PIP5K1C: variants seen among roughly 807,000 people sequenced by gnomAD.
The protein encoded by PIP5K1C is phosphatidylinositol 4-phosphate 5-kinase type-1 gamma.
Under a neutral mutation model 80.1 loss-of-function variants are expected in PIP5K1C, and 45 were observed. The observed-to-expected ratio is 0.56, with a 90% confidence interval of 0.44 to 0.72. The LOEUF (loss-of-function observed/expected upper bound fraction) is 0.72, where lower values mean the gene tolerates loss of function less well. PIP5K1C is among the 30% of genes least tolerant of loss of function. The pLI is 0.00. For synonymous variants in PIP5K1C, 498 were observed against 420.1 expected, an observed-to-expected ratio of 1.19 and a Z score of -2.27; for missense variants, 753 against 954.6, an observed-to-expected ratio of 0.79 and a Z score of 2.78.
chr19:3,641,663 C>T (rs1214496347), intron 15 of PIP5K1C, 42 bp downstream of exon 15: 1 of 1,491,988 alleles, frequency 6.7e-7, no homozygotes. Context: ...TCTGGGCCCG[C>T]AGCAGGTGGG....
At chr19:3,669,164 G>T (rs929388560) in intron 1 of PIP5K1C, among the ~76,000 whole-genome samples, 6 of 152,224 alleles carry the variant, frequency 3.9e-5, no homozygotes, top group Non-Finnish European at 8.8e-5. Flanking sequence ...GCAGCTGGGG[G>T]TGCTGGGGCA....
intron 12 of PIP5K1C, 120 bp from the exon 13 acceptor site, chr19:3,643,501 G>A: frequency 8.4e-7 from 1 of 1,184,354 alleles, no homozygotes; most frequent in Non-Finnish European, 1.2e-6. Flanking sequence ...CCGCCTCCCA[G>A]ACACTCCCAC....
intron 5 of PIP5K1C, 72 bp from the exon 6 acceptor site, chr19:3,656,629 C>T (rs2034643156): frequency 3.9e-6 from 6 of 1,537,226 alleles, no homozygotes; most frequent in Non-Finnish European, 5.4e-6. Flanking sequence ...TTCCGGTCTG[C>T]CCAACAGCCC....
chr19:3,686,492 G>C (rs2035763858), intron 1 of PIP5K1C, among the ~76,000 whole-genome samples: 2 of 151,556 alleles, frequency 1.3e-5, no homozygotes, highest in African/African-American at 4.9e-5. Flanking sequence ...GCCAAGGCGG[G>C]CAGATCACCT....
chr19:3,636,435 C>G (rs1173438020), intron 16 of PIP5K1C: 11 of 985,338 alleles, frequency 1.1e-5, no homozygotes, highest in Non-Finnish European at 1.3e-5. Context: ...CCACCCTCCC[C>G]ACGTCTGCCC....
rs150972205 is a variant in PIP5K1C at position 3,646,076 on chromosome 19, G to T, written c.1261-18C>A. 6 of 1,534,882 alleles carry T rather than the reference G, an allele frequency of 3.9e-6. No homozygotes were observed. Among genetic ancestry groups the T allele is most frequent in the Non-Finnish European group, 5.4e-6 (6 of 1,109,044 alleles). On this transcript the variant is annotated intron_variant, in intron 10 of 17. Transcript: ENST00000335312. ...ACCGTGTCCTGGAAGAGAGTTGGGGGGGGTGCCCGGGGGCAGAGGGTGCAT... is the reference window on the plus strand; with the variant it reads ...ACCGTGTCCTGGAAGAGAGTTGGGGTGGGTGCCCGGGGGCAGAGGGTGCAT...
chr19:3,643,159 GA>G, intron 13 of PIP5K1C, 83 bp downstream of exon 13: 17 of 1,593,562 alleles, frequency 1.1e-5, no homozygotes, highest in Non-Finnish European at 1.4e-5. Flanking sequence ...ATGCACAGCG[GA>G]TGCCCCGCCC....
At position 3,688,635 on chromosome 19, in the gene PIP5K1C, C is replaced by G. The variant is rs1191596595; in HGVS notation, c.94+11662G>C. Among the ~76,000 whole-genome samples, 1 of 152,168 alleles carries G rather than the reference C, an allele frequency of 6.6e-6. No homozygotes were observed. The highest frequency in any genetic ancestry group is 1.5e-5 in the Non-Finnish European group (1 of 68,042). On this transcript the variant is annotated intron_variant, in intron 1 of 17. Transcript: ENST00000335312. The surrounding 1 kb of genome is among the most constrained non-coding windows in gnomAD (Gnocchi z 5.3). ...AAATTGCCCCCCCAGGCATTGTCCT[C>G]AGGTGGTTTCGTGTCCCTCAGGGCT... is the stretch of plus-strand genomic sequence containing the variant.
chr19:3,681,797 G>A (rs1376539368), intron 1 of PIP5K1C, among the ~76,000 whole-genome samples: 2 of 151,698 alleles, frequency 1.3e-5, no homozygotes, highest in African/African-American at 2.4e-5. Context: ...AGCAGCCCCA[G>A]GGCAGCCCCT....
intron 1 of PIP5K1C, among the ~76,000 whole-genome samples, chr19:3,691,716 T>C (rs2035956938): frequency 6.6e-6 from 1 of 152,200 alleles, no homozygotes. Flanking sequence ...TCAGAGTGCA[T>C]CTGAATACAC....
chr19:3,633,381 G>A (rs572716557), intron 17 of PIP5K1C, 56 bp downstream of exon 17: 153 of 1,340,916 alleles, frequency 1.1e-4, no homozygotes, highest in Non-Finnish European at 1.3e-4. Flanking sequence ...TGGGGACCAC[G>A]CTCAGTAGAA....
At chr19:3,650,641 C>T (rs928377887) in intron 8 of PIP5K1C, among the ~76,000 whole-genome samples, 10 of 152,350 alleles carry the variant, frequency 6.6e-5, no homozygotes, top group African/African-American at 1.9e-4. Context: ...AAACCCTGAG[C>T]CCTGTGAGGG....
At chr19:3,644,761 G>A (rs990739034) in intron 11 of PIP5K1C, among the ~76,000 whole-genome samples, 2 of 152,204 alleles carry the variant, frequency 1.3e-5, no homozygotes, top group Non-Finnish European at 2.9e-5. Context: ...CGACCTTAGC[G>A]GTGGGGTGAG....
rs140541542 is a variant in PIP5K1C at position 3,694,797 on chromosome 19, C to T, written c.94+5500G>A. 2.0e-3 allele frequency among the ~76,000 whole-genome samples: 300 copies of T among 152,346 alleles called. 2 individuals are homozygous for T. Among genetic ancestry groups the T allele is most frequent in the African/African-American group, 6.5e-3 (270 of 41,580 alleles). ...GCTCGTGGGGACAGTCACCTCCCTCCGAGTCCTCAGCTGCCGCAGGCCTGG... is the reference window on the plus strand; with the variant it reads ...GCTCGTGGGGACAGTCACCTCCCTCTGAGTCCTCAGCTGCCGCAGGCCTGG... On this transcript the variant is annotated intron_variant, in intron 1 of 17. Coordinates refer to ENST00000335312, the MANE Select transcript of PIP5K1C (RefSeq NM_012398.3).
chr19:3,641,702 C>T lies in PIP5K1C; in HGVS notation c.1787+3G>A, dbSNP rs754881033. On this transcript the variant is annotated splice_donor_region_variant and intron_variant, in intron 15 of 17. Transcript: ENST00000335312. ...CCCGACCTCCCGCCGAGGCCGTGCT[C>T]ACCCTGCGTCCTCCTCTTTGGGGAC... The T allele has an allele frequency of 3.0e-5, 48 of 1,605,582 alleles. No homozygotes were observed. The highest frequency in any genetic ancestry group is 3.9e-5 in the Non-Finnish European group (46 of 1,179,336).
intron 1 of PIP5K1C, among the ~76,000 whole-genome samples, chr19:3,674,801 T>C (rs1315477853): frequency 2.6e-5 from 4 of 152,352 alleles, no homozygotes; most frequent in African/African-American, 9.6e-5. Flanking sequence ...GTGCCCGGCC[T>C]ATCTGTGGAC....
chr19:3,642,390 C>T (rs557741597), intron 14 of PIP5K1C, among the ~76,000 whole-genome samples: 5 of 152,354 alleles, frequency 3.3e-5, no homozygotes, highest in South Asian at 4.1e-4. Flanking sequence ...AAGGACGGCA[C>T]GCAGGCGTGA....
At chr19:3,671,380 C>G (rs2035199869) in intron 1 of PIP5K1C, among the ~76,000 whole-genome samples, 1 of 152,264 alleles carries the variant, frequency 6.6e-6, no homozygotes, top group South Asian at 2.1e-4. Flanking sequence ...CACCAGGCAC[C>G]TCGGGGTCAC....
At chr19:3,636,925 T>C (rs2033711134) in intron 16 of PIP5K1C, 2 of 1,007,338 alleles carry the variant, frequency 2.0e-6, no homozygotes, top group African/African-American at 1.7e-5. Context: ...GTGGGGCCCA[T>C]GTGGCGTCCC....
Sources: gnomAD v4.1 joint callset for allele counts (sites outside exome capture counted in the v4.1 genomes callset) on GRCh38, gnomAD v4.1.1 for gene constraint, Gnocchi (gnomAD v3.1) non-coding constraint, MANE v1.5 for transcripts, NCBI Gene and HGNC (gene_info 2026-07-23, HGNC 2026-07-21) for gene names.